The following SUGCT variants were observed in gnomAD, a reference collection of about 807,000 sequenced individuals.
SUGCT encodes the protein succinyl-CoA:glutarate-CoA transferase.
Under a neutral mutation model 55.0 loss-of-function variants are expected in SUGCT, and 41 were observed. That is an observed-to-expected ratio of 0.74 (90% CI 0.58 to 0.97). SUGCT has a LOEUF of 0.97. Among genes scored for constraint, SUGCT ranks in the 50% least tolerant of loss-of-function variants. The pLI is 0.00. For synonymous variants in SUGCT, 187 were observed against 200.4 expected, an observed-to-expected ratio of 0.93 and a Z score of 0.56; for missense variants, 568 against 547.8, an observed-to-expected ratio of 1.04 and a Z score of -0.37.
At chr7:40,219,114 T>C (rs1398215148) in intron 6 of SUGCT, among the ~76,000 whole-genome samples, 1 of 151,934 alleles carries the variant, frequency 6.6e-6, no homozygotes, top group East Asian at 1.9e-4. Flanking sequence ...AACGAACAAC[T>C]CTGGACGCGC....
intron 13 of SUGCT, among the ~76,000 whole-genome samples, chr7:40,802,648 G>A (rs1790885543): frequency 6.6e-6 from 1 of 152,154 alleles, no homozygotes; most frequent in South Asian, 2.1e-4. Flanking sequence ...TGTTCAAATG[G>A]TGGTTTACAG....
chr7:40,959,019 G>A, the SUGCT span, among the ~76,000 whole-genome samples: 1 of 152,180 alleles, frequency 6.6e-6, no homozygotes, highest in Non-Finnish European at 1.5e-5. Flanking sequence ...AATGATTGCT[G>A]CCTGCTCCTT....
At chr7:40,435,375 C>T (rs1300946344) in intron 9 of SUGCT, among the ~76,000 whole-genome samples, 1 of 152,072 alleles carries the variant, frequency 6.6e-6, no homozygotes, top group Non-Finnish European at 1.5e-5. Flanking sequence ...GCATGCTTGC[C>T]TTTTTCAGTT....
intron 12 of SUGCT, among the ~76,000 whole-genome samples, chr7:40,602,878 C>T (rs1798359362): frequency 6.6e-6 from 1 of 152,174 alleles, no homozygotes; most frequent in Non-Finnish European, 1.5e-5. Context: ...CAGGATGACA[C>T]TCTTAGGATA....
intron 9 of SUGCT, among the ~76,000 whole-genome samples, chr7:40,427,597 A>G (rs1015596765): frequency 2.6e-5 from 4 of 152,186 alleles, no homozygotes; most frequent in African/African-American, 2.4e-5. Flanking sequence ...TTCAGTATTT[A>G]GTTCCACCTC....
intron 13 of SUGCT, chr7:40,808,207 C>G (rs1412970935): frequency 6.6e-6 from 1 of 152,192 alleles, no homozygotes; most frequent in Non-Finnish European, 1.5e-5. Flanking sequence ...GGATTTCAGG[C>G]CTGAGAAAGC....
chr7:40,954,181 C>A, the SUGCT span, among the ~76,000 whole-genome samples: 26 of 152,322 alleles, frequency 1.7e-4, no homozygotes, highest in South Asian at 5.4e-3. Context: ...CTTGCTGCTG[C>A]CTTGCAGTTT....
intron 13 of SUGCT, among the ~76,000 whole-genome samples, chr7:40,770,456 T>C (rs1789036324): frequency 6.6e-6 from 1 of 152,122 alleles, no homozygotes; most frequent in South Asian, 2.1e-4. Context: ...CATTTCGAGC[T>C]TGGGTCATCA....
chr7:40,799,583 G>T (rs1344539078), intron 13 of SUGCT, among the ~76,000 whole-genome samples: 1 of 152,094 alleles, frequency 6.6e-6, no homozygotes, highest in Non-Finnish European at 1.5e-5. Context: ...CTAAGGATTA[G>T]GTTTATAGCA....
intron 12 of SUGCT, among the ~76,000 whole-genome samples, chr7:40,550,962 GTT>G (rs1188716259): frequency 1.3e-5 from 2 of 152,108 alleles, no homozygotes; most frequent in Non-Finnish European, 2.9e-5. Flanking sequence ...CATTTTACCT[GTT>G]TTCTTCTCTT....
chr7:40,991,160 T>C, the SUGCT span, among the ~76,000 whole-genome samples: 1 of 152,190 alleles, frequency 6.6e-6, no homozygotes, highest in Non-Finnish European at 1.5e-5. Flanking sequence ...CTTGAACACT[T>C]AGATGCCATT....
rs146373007 is a variant in SUGCT at position 40,752,077 on chromosome 7, A to G, written c.1153+2580A>G. Among the ~76,000 whole-genome samples the G allele has an allele frequency of 6.6e-4, 100 of 152,336 alleles. 2 individuals carry two copies. In the East Asian group the frequency reaches 0.019, roughly 29 times the overall value. On this transcript the variant is annotated intron_variant, in intron 13 of 13. Transcript: ENST00000335693. ...TAACCTCAAGCTCTTAATGGTTTTC[A>G]AACATAAGCATTTGTTTATCCCATG...
chr7:40,543,245 A>G (rs1003692672), intron 12 of SUGCT, among the ~76,000 whole-genome samples: 3 of 152,200 alleles, frequency 2.0e-5, no homozygotes, highest in African/African-American at 7.2e-5. Flanking sequence ...TCCTGCTGAA[A>G]ATATGATTTT....
downstream of SUGCT, among the ~76,000 whole-genome samples, chr7:40,864,083 A>G (rs968270369): frequency 2.6e-5 from 4 of 152,134 alleles, no homozygotes; most frequent in African/African-American, 9.7e-5. Flanking sequence ...ATGTTTCATG[A>G]ATTACTGCTT....
chr7:40,872,973 C>G, the SUGCT span, among the ~76,000 whole-genome samples: 6 of 152,182 alleles, frequency 3.9e-5, no homozygotes, highest in Non-Finnish European at 8.8e-5. Context: ...GGCTTGCTGA[C>G]TGGGTCACAG....
At chr7:40,973,969 A>C in the SUGCT span, among the ~76,000 whole-genome samples, 1 of 152,194 alleles carries the variant, frequency 6.6e-6, no homozygotes, top group African/African-American at 2.4e-5. Context: ...GTATTGGCTA[A>C]TAGTGATTGT....
the SUGCT span, among the ~76,000 whole-genome samples, chr7:40,940,946 T>C: frequency 6.6e-6 from 1 of 152,162 alleles, no homozygotes; most frequent in African/African-American, 2.4e-5. Context: ...CCTTTTCTTG[T>C]TCCAGTTCTT....
At chr7:40,733,081 A>G (rs1448965397) in intron 12 of SUGCT, among the ~76,000 whole-genome samples, 1 of 152,152 alleles carries the variant, frequency 6.6e-6, no homozygotes, top group East Asian at 1.9e-4. Flanking sequence ...ACAAACAAAC[A>G]AACAAAAAAG....
intron 11 of SUGCT, among the ~76,000 whole-genome samples, chr7:40,476,229 T>G (rs1790666093): frequency 6.6e-6 from 1 of 152,160 alleles, no homozygotes; most frequent in Non-Finnish European, 1.5e-5. Flanking sequence ...TTACACATAG[T>G]ATATGCTATA....
Sources: gnomAD v4.1 joint callset for allele counts (sites outside exome capture counted in the v4.1 genomes callset) on GRCh38, gnomAD v4.1.1 for gene constraint, MANE v1.5 for transcripts, NCBI Gene and HGNC (gene_info 2026-07-23, HGNC 2026-07-21) for gene names.